Variants in CCDC149 observed in about 807,000 individuals in gnomAD.
CCDC149 encodes the protein coiled-coil domain containing 149.
In CCDC149, 45 loss-of-function variants were observed where a neutral mutation model predicts 59.9. The ratio of observed to expected loss-of-function variants is 0.75; its 90% confidence interval spans 0.59 to 0.96. The LOEUF (loss-of-function observed/expected upper bound fraction) is 0.96. CCDC149 is among the 40% of genes least tolerant of loss of function. The probability of loss-of-function intolerance (pLI) is 0.00; values close to 1 mark genes in which losing one functional copy is unlikely to be tolerated. For synonymous variants in CCDC149, 245 were observed against 260.6 expected (o/e 0.94, Z 0.58); for missense variants, 584 against 664.7 (o/e 0.88, Z 1.33).
At chr4:24,935,930 C>T (rs1185339292) in intron 1 of CCDC149, among the ~76,000 whole-genome samples, 1 of 151,792 alleles carries the variant, frequency 6.6e-6, no homozygotes, top group Non-Finnish European at 1.5e-5. Context: ...GAGAGACCAG[C>T]AAAGAGACAA....
intron 1 of CCDC149, among the ~76,000 whole-genome samples, chr4:24,949,114 A>G (rs1723201991): frequency 6.6e-6 from 1 of 152,174 alleles, no homozygotes; most frequent in Non-Finnish European, 1.5e-5. Context: ...AAGGGTAGCA[A>G]CGGCTGTTGT....
At chr4:24,864,596 T>C (rs1718580032) in intron 3 of CCDC149, among the ~76,000 whole-genome samples, 1 of 152,180 alleles carries the variant, frequency 6.6e-6, no homozygotes, top group Non-Finnish European at 1.5e-5. Context: ...ATTTGAGTGA[T>C]AAAAAAACTC....
chr4:24,855,530 A>G (rs800467), intron 3 of CCDC149, among the ~76,000 whole-genome samples: 117,539 of 149,574 alleles, frequency 0.79, 46,210 homozygotes, highest in East Asian at 0.91. Flanking sequence ...AGCTGAGATC[A>G]TGCCACTGAA....
chr4:24,881,562 G>C (rs533769750), intron 1 of CCDC149, among the ~76,000 whole-genome samples: 1 of 152,284 alleles, frequency 6.6e-6, no homozygotes, highest in Non-Finnish European at 1.5e-5. Context: ...AATTATTGGT[G>C]TGTCAAAGTA....
chr4:24,823,080 T>C (rs1715513967), intron 9 of CCDC149: 1 of 152,260 alleles, frequency 6.6e-6, no homozygotes, highest in African/African-American at 2.4e-5. Context: ...CTTACTGATG[T>C]CCACATTCTT....
chr4:24,846,076 T>A (rs1717267554), intron 4 of CCDC149, among the ~76,000 whole-genome samples: 1 of 152,200 alleles, frequency 6.6e-6, no homozygotes, highest in Non-Finnish European at 1.5e-5. Flanking sequence ...CCATGCTGTT[T>A]TGGTCACGTG....
At chr4:24,943,307 C>A (rs1320109645) in intron 1 of CCDC149, among the ~76,000 whole-genome samples, 2 of 152,020 alleles carry the variant, frequency 1.3e-5, no homozygotes, top group Non-Finnish European at 1.5e-5. Flanking sequence ...GAAAAACAAG[C>A]AATGGGGAAA....
intron 4 of CCDC149, among the ~76,000 whole-genome samples, chr4:24,838,894 T>C (rs1045984775): frequency 1.4e-4 from 21 of 151,954 alleles, no homozygotes; most frequent in African/African-American, 4.8e-4. Flanking sequence ...GAAATGAGGC[T>C]TATGTGAACT....
chr4:24,872,178 G>C (rs1423045992), intron 3 of CCDC149, among the ~76,000 whole-genome samples: 1 of 152,234 alleles, frequency 6.6e-6, no homozygotes, highest in African/African-American at 2.4e-5. Context: ...AGAGAGTTAA[G>C]AAGCAGATCC....
chr4:24,865,496 C>T (rs912498494), intron 3 of CCDC149, among the ~76,000 whole-genome samples: 5 of 152,278 alleles, frequency 3.3e-5, no homozygotes, highest in Non-Finnish European at 7.4e-5. Flanking sequence ...AAAGTGATGA[C>T]CTTTGCTATA....
intron 1 of CCDC149, among the ~76,000 whole-genome samples, chr4:24,906,159 T>A (rs1226960120): frequency 6.6e-6 from 1 of 152,152 alleles, no homozygotes. Flanking sequence ...GAGGCAGGCA[T>A]CTTTCTTACA....
intron 3 of CCDC149, among the ~76,000 whole-genome samples, chr4:24,872,330 T>C (rs1462634264): frequency 6.6e-6 from 1 of 152,208 alleles, no homozygotes; most frequent in Non-Finnish European, 1.5e-5. Context: ...GAGTGTGAAG[T>C]GGCAGAACCT....
intron 4 of CCDC149, among the ~76,000 whole-genome samples, chr4:24,847,857 T>C (rs1348628385): frequency 6.6e-6 from 1 of 152,194 alleles, no homozygotes; most frequent in Non-Finnish European, 1.5e-5. Context: ...GTTCAGTGAC[T>C]TCACTTTGGT....
chr4:24,815,539 C>G (rs1420174561), intron 12 of CCDC149, among the ~76,000 whole-genome samples: 2 of 152,206 alleles, frequency 1.3e-5, no homozygotes, highest in Non-Finnish European at 2.9e-5. Context: ...TATGAAATTA[C>G]TTCTTCCAGG....
chr4:24,868,424 G>A (rs1179050268), intron 3 of CCDC149, among the ~76,000 whole-genome samples: 1 of 152,126 alleles, frequency 6.6e-6, no homozygotes, highest in Admixed American at 6.5e-5. Flanking sequence ...AACTCCTAGA[G>A]CTATTTCCCC....
chr4:24,876,053 T>C (rs1158523842), intron 2 of CCDC149, among the ~76,000 whole-genome samples: 1 of 152,104 alleles, frequency 6.6e-6, no homozygotes, highest in Non-Finnish European at 1.5e-5. Flanking sequence ...GGGATGTGAA[T>C]CACCCCTTCA....
At chr4:24,902,558 C>T (rs537363357) in intron 1 of CCDC149, among the ~76,000 whole-genome samples, 2 of 152,342 alleles carry the variant, frequency 1.3e-5, no homozygotes, top group Admixed American at 6.5e-5. Context: ...CATGCCTTCT[C>T]ATGATCTCCC....
At chr4:24,904,103 AT>A (rs1721336457) in intron 1 of CCDC149, among the ~76,000 whole-genome samples, 1 of 152,168 alleles carries the variant, frequency 6.6e-6, no homozygotes, top group South Asian at 2.1e-4. Flanking sequence ...CCTAGCCTTA[AT>A]TTTTACTTTT....
chr4:24,949,115 C>T (rs1201776959), intron 1 of CCDC149, among the ~76,000 whole-genome samples: 2 of 152,176 alleles, frequency 1.3e-5, no homozygotes, highest in Non-Finnish European at 2.9e-5. Context: ...AGGGTAGCAA[C>T]GGCTGTTGTT....
Sources: allele counts gnomAD v4.1 joint callset (sites outside exome capture counted in the v4.1 genomes callset), GRCh38; gene constraint gnomAD v4.1.1; transcripts MANE v1.5; gene names NCBI Gene and HGNC (gene_info 2026-07-23, HGNC 2026-07-21).